Variants in LINGO2 observed in about 807,000 individuals in gnomAD.
The protein encoded by LINGO2 is leucine-rich repeat and immunoglobulin-like domain-containing nogo receptor-interacting protein 2.
A neutral mutation model predicts 30.6 loss-of-function variants in LINGO2; 14 were observed. The ratio of observed to expected loss-of-function variants is 0.46; its 90% CI spans 0.30 to 0.72. The LOEUF (loss-of-function observed/expected upper bound fraction) is 0.72, where lower values mean the gene tolerates loss of function less well. LINGO2 is among the 30% of genes least tolerant of loss of function. The pLI is 0.07. For missense variants in LINGO2, 729 were observed against 751.7 expected (o/e 0.97, Z 0.35); for synonymous variants, 317 against 288.5 (o/e 1.10, Z -1.00).
chr9:28,813,609 A>G, the LINGO2 span, among the ~76,000 whole-genome samples: 1 of 152,212 alleles, frequency 6.6e-6, no homozygotes, highest in Non-Finnish European at 1.5e-5. Flanking sequence ...CAGGAGACAC[A>G]CATTGAACAA....
intron 1 of LINGO2, among the ~76,000 whole-genome samples, chr9:28,656,684 G>C (rs1008661134): frequency 4.0e-5 from 6 of 151,888 alleles, no homozygotes; most frequent in Admixed American, 2.6e-4. Flanking sequence ...AATGTTATAG[G>C]GACAAGGAGG....
Position 28,148,369 on chromosome 9 carries a change from C to A in LINGO2, c.-86-135964G>T, listed in dbSNP as rs947282068. The A allele has an allele frequency of 7.3e-6, 8 of 1,088,670 alleles. No homozygotes were observed. Among genetic ancestry groups the A allele is most frequent in the Non-Finnish European group, 1.1e-5 (8 of 739,056 alleles). The allele number at this position is 1,088,670 out of a possible 1,614,324, so 67.4% of individuals were successfully genotyped here. On this transcript the variant is annotated intron_variant, in intron 4 of 5. Transcript: ENST00000379992. The surrounding 1 kb of genome is among the most constrained non-coding windows in gnomAD (Gnocchi z 5.1). ...CCGTGAGGATTCCTCATCTCAGAGG[C>A]AAGTTTAACCTTCAACTTCCTTCAT...
intron 4 of LINGO2, among the ~76,000 whole-genome samples, chr9:28,176,326 C>T (rs530828024): frequency 1.3e-5 from 2 of 152,252 alleles, no homozygotes; most frequent in South Asian, 2.1e-4. Context: ...CCCACCTGAT[C>T]GACAAAGGAC....
chr9:28,931,680 G>T, the LINGO2 span, among the ~76,000 whole-genome samples: 1 of 152,276 alleles, frequency 6.6e-6, no homozygotes, highest in South Asian at 2.1e-4. Flanking sequence ...TAAGAGCTTA[G>T]GTTGAGGAAA....
chr9:28,510,594 C>T (rs1820335837), intron 1 of LINGO2, among the ~76,000 whole-genome samples: 2 of 151,930 alleles, frequency 1.3e-5, no homozygotes, highest in South Asian at 2.1e-4. Flanking sequence ...AGAACAGGCA[C>T]ATTCAGTGAA....
chr9:29,078,887 AT>A, the LINGO2 span, among the ~76,000 whole-genome samples: 2 of 151,802 alleles, frequency 1.3e-5, no homozygotes, highest in South Asian at 2.1e-4. Flanking sequence ...TCAAGGCTGA[AT>A]TTTTTTTAAC....
the LINGO2 span, among the ~76,000 whole-genome samples, chr9:28,935,909 T>A: frequency 6.6e-6 from 1 of 152,110 alleles, no homozygotes; most frequent in Non-Finnish European, 1.5e-5. Flanking sequence ...AGATTTTGTT[T>A]TGTTAGAGAA....
chr9:28,507,124 C>G (rs1434848397), intron 1 of LINGO2, among the ~76,000 whole-genome samples: 1 of 151,988 alleles, frequency 6.6e-6, no homozygotes, highest in African/African-American at 2.4e-5. Context: ...AAGATGATGT[C>G]CCATGAATGG....
At chr9:28,071,732 C>A (rs117076169) in intron 4 of LINGO2, among the ~76,000 whole-genome samples, 8,187 of 152,020 alleles carry the variant, frequency 0.054, 272 homozygotes, top group Non-Finnish European at 0.08. Flanking sequence ...CATCCAGGTC[C>A]ATTTGGTTCT....
At chr9:28,463,123 C>T (rs543004347) in intron 2 of LINGO2, among the ~76,000 whole-genome samples, 89 of 151,378 alleles carry the variant, frequency 5.9e-4, no homozygotes, top group Middle Eastern at 3.4e-3. Context: ...TCAAAAGTTT[C>T]TTGGTTTGGG....
At chr9:28,071,831 T>G (rs1825488135) in intron 4 of LINGO2, among the ~76,000 whole-genome samples, 1 of 152,096 alleles carries the variant, frequency 6.6e-6, no homozygotes, top group South Asian at 2.1e-4. Context: ...TGATATAAAA[T>G]ATATTTCTGA....
the LINGO2 span, among the ~76,000 whole-genome samples, chr9:29,043,374 A>G: frequency 6.6e-6 from 1 of 152,000 alleles, no homozygotes; most frequent in Non-Finnish European, 1.5e-5. Flanking sequence ...CAAAGCTTGA[A>G]GATGATAAGG....
chr9:28,314,706 C>T (rs1824768963), intron 3 of LINGO2, among the ~76,000 whole-genome samples: 1 of 152,080 alleles, frequency 6.6e-6, no homozygotes, highest in Admixed American at 6.6e-5. Context: ...TATATGAGGC[C>T]GGGCGCGGTG....
intron 2 of LINGO2, among the ~76,000 whole-genome samples, chr9:28,458,921 T>A (rs1824961939): frequency 6.6e-6 from 1 of 152,124 alleles, no homozygotes; most frequent in Non-Finnish European, 1.5e-5. Flanking sequence ...TGCCTATCCT[T>A]GTAGGATTTG....
At chr9:28,238,362 T>C (rs1260643483) in intron 4 of LINGO2, among the ~76,000 whole-genome samples, 2 of 152,162 alleles carry the variant, frequency 1.3e-5, no homozygotes, top group African/African-American at 4.8e-5. Flanking sequence ...CCTCACCACA[T>C]AGATCATTCT....
chr9:28,400,118 A>T (rs1822201827), intron 2 of LINGO2, among the ~76,000 whole-genome samples: 1 of 152,162 alleles, frequency 6.6e-6, no homozygotes, highest in African/African-American at 2.4e-5. Flanking sequence ...AAGCAGACAG[A>T]GTGACTCTAT....
the LINGO2 span, among the ~76,000 whole-genome samples, chr9:29,130,216 G>C: frequency 6.6e-6 from 1 of 152,094 alleles, no homozygotes; most frequent in East Asian, 1.9e-4. Context: ...AGTACTAATA[G>C]ACACTTTTAC....
intron 2 of LINGO2, among the ~76,000 whole-genome samples, chr9:28,450,215 G>A (rs10812831): frequency 0.14 from 20,539 of 151,846 alleles, 1,481 homozygotes; most frequent in South Asian, 0.24. Flanking sequence ...ACAGATTTAA[G>A]GACATTCCTT....
At chr9:28,604,175 C>A (rs1825609001) in intron 1 of LINGO2, among the ~76,000 whole-genome samples, 1 of 152,028 alleles carries the variant, frequency 6.6e-6, no homozygotes, top group Non-Finnish European at 1.5e-5. Flanking sequence ...CGCAAACTCA[C>A]TGTAGTTTGT....
Sources: gnomAD v4.1 joint callset for allele counts (sites outside exome capture counted in the v4.1 genomes callset) on GRCh38, gnomAD v4.1.1 for gene constraint, Gnocchi (gnomAD v3.1) non-coding constraint, MANE v1.5 for transcripts, NCBI Gene and HGNC (gene_info 2026-07-23, HGNC 2026-07-21) for gene names.